The following ZNF704 variants were observed in gnomAD, a reference collection of about 807,000 sequenced individuals.
ZNF704 encodes the protein zinc finger protein 704, also known as glucocorticoid induced gene 1.
ZNF704 carries 10 observed loss-of-function variants against 44.7 expected under a neutral mutation model. The observed-to-expected ratio is 0.22, with a 90% CI of 0.14 to 0.38. The LOEUF is 0.38. Among genes scored for constraint, ZNF704 ranks in the 10% least tolerant of loss-of-function variants. The pLI is 1.00. For missense variants in ZNF704, 390 were observed against 545.5 expected, an observed-to-expected ratio of 0.71 and a Z score of 2.84; for synonymous variants, 211 against 207.6, an observed-to-expected ratio of 1.02 and a Z score of -0.14.
chr8:80,657,819 T>C (rs1818040425), intron 7 of ZNF704, among the ~76,000 whole-genome samples: 1 of 152,052 alleles, frequency 6.6e-6, no homozygotes, highest in Non-Finnish European at 1.5e-5. Context: ...GTTTTATATA[T>C]CATATATATA....
intron 2 of ZNF704, among the ~76,000 whole-genome samples, chr8:80,735,258 C>T (rs575263409): frequency 6.6e-6 from 1 of 152,334 alleles, no homozygotes; most frequent in South Asian, 2.1e-4. Flanking sequence ...CTTACCTATC[C>T]AAACTATACC....
intron 2 of ZNF704, among the ~76,000 whole-genome samples, chr8:80,756,587 T>C (rs778335884): frequency 2.6e-5 from 4 of 152,210 alleles, no homozygotes; most frequent in Admixed American, 1.3e-4. Flanking sequence ...GTTGTCACAA[T>C]ACCTATTTTT....
chr8:80,683,716 T>G (rs1818490095), intron 4 of ZNF704, among the ~76,000 whole-genome samples: 1 of 152,178 alleles, frequency 6.6e-6, no homozygotes, highest in African/African-American at 2.4e-5. Flanking sequence ...TTAAAAGCAT[T>G]TGGTAAACTG....
At chr8:80,720,629 G>T (rs1166448206) in intron 2 of ZNF704, among the ~76,000 whole-genome samples, 1 of 152,198 alleles carries the variant, frequency 6.6e-6, no homozygotes, top group Non-Finnish European at 1.5e-5. Flanking sequence ...AGCAAGAGCT[G>T]TCAAAACCAT....
In ZNF704 at chr8:80,632,735, T is replaced by A. The variant is rs569697216; in HGVS notation, c.*8631A>T. ...CCTCCTTTCAAAATCTGTGGTTACCTGCTTTCGGAACCATAGCTTTCTTCT... is the reference window on the plus strand; with the variant it reads ...CCTCCTTTCAAAATCTGTGGTTACCAGCTTTCGGAACCATAGCTTTCTTCT... On this transcript the variant is annotated 3_prime_UTR_variant, in exon 9 of 9. Coordinates refer to ENST00000327835, the MANE Select transcript of ZNF704 (RefSeq NM_001033723.3). 7.2e-5 allele frequency: 11 copies of A among 152,358 alleles called. No individual in the cohort carries two copies. In the South Asian group the frequency reaches 1.7e-3, roughly 23 times the overall value. The allele number at this position is 152,358 out of a possible 1,614,324, so 9.4% of individuals were successfully genotyped here.
chr8:80,629,413 T>G lies in ZNF704; in HGVS notation c.*11953A>C, dbSNP rs187940105. On this transcript the variant is annotated 3_prime_UTR_variant, in exon 9 of 9. Transcript: ENST00000327835. ...ACCAGGTTTAGAAATGCGTGTTTTTTTCCCCCCGTATTTTACAAACAGTTG... is the reference window on the plus strand; with the variant it reads ...ACCAGGTTTAGAAATGCGTGTTTTTGTCCCCCCGTATTTTACAAACAGTTG... 6.6e-6 allele frequency: 1 copy of G among 152,226 alleles called. No individual in the cohort carries two copies. The highest frequency in any genetic ancestry group is 2.4e-5 in the African/African-American group (1 of 41,460). The allele number at this position is 152,226 out of a possible 1,614,324, so 9.4% of individuals were successfully genotyped here.
intron 1 of ZNF704, among the ~76,000 whole-genome samples, chr8:80,843,144 G>T (rs1186626017): frequency 6.6e-6 from 1 of 152,218 alleles, no homozygotes; most frequent in African/African-American, 2.4e-5. Flanking sequence ...TTTTGTAAAT[G>T]CAAGAAATTT....
intron 2 of ZNF704, among the ~76,000 whole-genome samples, chr8:80,704,245 G>A (rs987194144): frequency 3.3e-5 from 5 of 152,306 alleles, no homozygotes; most frequent in South Asian, 2.1e-4. Flanking sequence ...GAGGCATCTC[G>A]AACATTCCTT....
intron 2 of ZNF704, among the ~76,000 whole-genome samples, chr8:80,817,242 G>C (rs752987434): frequency 6.6e-6 from 1 of 152,262 alleles, no homozygotes; most frequent in South Asian, 2.1e-4. Context: ...CCATGAGTAC[G>C]CACCTTACAG....
At chr8:80,705,962 G>C (rs1276408253) in intron 2 of ZNF704, among the ~76,000 whole-genome samples, 1 of 152,188 alleles carries the variant, frequency 6.6e-6, no homozygotes, top group Non-Finnish European at 1.5e-5. Context: ...CTGGAGTCCT[G>C]GGGAGCACCT....
At chr8:80,651,262 C>T (rs1421700232) in intron 7 of ZNF704, among the ~76,000 whole-genome samples, 4 of 152,130 alleles carry the variant, frequency 2.6e-5, no homozygotes, top group Non-Finnish European at 5.9e-5. Flanking sequence ...CATCAAGTAA[C>T]GAGCAAAACA....
intron 2 of ZNF704, among the ~76,000 whole-genome samples, chr8:80,752,551 A>G (rs1806961871): frequency 6.6e-6 from 1 of 152,016 alleles, no homozygotes; most frequent in Admixed American, 6.6e-5. Flanking sequence ...CTTAAAAAAA[A>G]AAAAAACGAA....
chr8:80,676,843 C>T (rs1335865981), intron 4 of ZNF704, among the ~76,000 whole-genome samples: 1 of 152,182 alleles, frequency 6.6e-6, no homozygotes, highest in Non-Finnish European at 1.5e-5. Flanking sequence ...GGTTCATGCT[C>T]CTATGAGAAT....
intron 2 of ZNF704, among the ~76,000 whole-genome samples, chr8:80,750,925 C>T (rs1385496864): frequency 6.6e-6 from 1 of 152,194 alleles, no homozygotes; most frequent in Admixed American, 6.5e-5. Context: ...TCTCTGAAGA[C>T]ATCTTGGGGT....
chr8:80,667,982 A>G (rs1367480290), intron 5 of ZNF704, among the ~76,000 whole-genome samples: 1 of 152,232 alleles, frequency 6.6e-6, no homozygotes, highest in East Asian at 1.9e-4. Context: ...AAATAAAAAG[A>G]AAGATGATGT....
At chr8:80,881,861 G>A in the ZNF704 span, among the ~76,000 whole-genome samples, 1 of 152,164 alleles carries the variant, frequency 6.6e-6, no homozygotes, top group Non-Finnish European at 1.5e-5. Context: ...CTGGGTGGTG[G>A]AGGTTGCAGT....
At chr8:80,678,770 G>T (rs758438245) in intron 4 of ZNF704, among the ~76,000 whole-genome samples, 4 of 152,104 alleles carry the variant, frequency 2.6e-5, no homozygotes, top group Non-Finnish European at 1.5e-5. Flanking sequence ...ATGACCTGTC[G>T]TATTTGACCT....
intron 1 of ZNF704, among the ~76,000 whole-genome samples, chr8:80,854,535 T>A (rs533271030): frequency 6.6e-6 from 1 of 152,336 alleles, no homozygotes; most frequent in South Asian, 2.1e-4. Context: ...GATAGCAACA[T>A]TAAGATGGGA....
chr8:80,697,646 A>G (rs974263127), intron 2 of ZNF704, among the ~76,000 whole-genome samples: 1 of 152,238 alleles, frequency 6.6e-6, no homozygotes, highest in African/African-American at 2.4e-5. Context: ...CCTTATCTGT[A>G]AAAGAAGGAT....
Sources: gnomAD v4.1 joint callset for allele counts (sites outside exome capture counted in the v4.1 genomes callset) on GRCh38, gnomAD v4.1.1 for gene constraint, MANE v1.5 for transcripts, NCBI Gene and HGNC (gene_info 2026-07-23, HGNC 2026-07-21) for gene names.